The following BAHCC1 variants were observed in gnomAD, a reference collection of about 807,000 sequenced individuals.
BAHCC1 encodes the protein BAH and coiled-coil domain-containing protein 1.
A neutral mutation model predicts 88.2 loss-of-function variants in BAHCC1; 43 were observed. That is an observed-to-expected ratio of 0.49 (90% CI 0.38 to 0.63). The LOEUF (loss-of-function observed/expected upper bound fraction) is 0.63, where lower values mean the gene tolerates loss of function less well. Ranked by LOEUF, BAHCC1 falls within the 20% of genes least tolerant of loss-of-function variation. BAHCC1 has a pLI of 0.00. For missense variants in BAHCC1, 3,023 were observed against 1,654.8 expected, an observed-to-expected ratio of 1.83 and a Z score of -14.34; for synonymous variants, 1,510 against 745.5, an observed-to-expected ratio of 2.03 and a Z score of -16.71.
rs782642998 is a variant in BAHCC1 at position 81,461,952 on chromosome 17, G to A, written c.7289G>A (p.Arg2430Gln). The A allele has an allele frequency of 2.6e-5, 20 of 769,220 alleles. No individual in the cohort carries two copies. Among genetic ancestry groups the A allele is most frequent in the South Asian group, 1.1e-4 (8 of 72,630 alleles). 47.6% of individuals were successfully genotyped at this position (769,220 alleles called of 1,614,324 possible). A position where few individuals can be genotyped will look rare whatever the true frequency, so the allele number is the denominator to read the frequency against. Residue 2430 changes from arginine to glutamine, a missense_variant, in exon 26 of 28, where the codon CGG becomes CAG. Arg to Gln is a conservative substitution (Grantham distance 43). Transcript: ENST00000675386. The part of the protein sequence containing the change: ...LSFSKAKELS[R>Q]RQRPPSVENR... ...TTCTCCAAAGCCAAAGAGCTCTCCC[G>A]GAGGCAGCGGCCGCCCTCCGTGGAA...
intron 11 of BAHCC1, among the ~76,000 whole-genome samples, chr17:81,450,341 C>G (rs1403865267): frequency 6.6e-6 from 1 of 152,148 alleles, no homozygotes; most frequent in African/African-American, 2.4e-5. Context: ...GCTGGCTTCC[C>G]CTACTCAGGC....
chr17:81,458,537 C>CCCGCACTCCG, intron 18 of BAHCC1, 71 bp downstream of exon 18: 3 of 676,622 alleles, frequency 4.4e-6, no homozygotes, highest in Non-Finnish European at 2.7e-6. Context: ...CCCGCCCTCC[C>CCCGCACTCCG]CCGCACGCTG....
Position 81,458,836 on chromosome 17 carries a change from C to T in BAHCC1, c.5472C>T (p.Arg1824=), listed in dbSNP as rs782084706. 3 of 767,124 alleles carry T rather than the reference C, an allele frequency of 3.9e-6. No individual in the cohort carries two copies. Among genetic ancestry groups the T allele is most frequent in the Non-Finnish European group, 7.3e-6 (3 of 408,882 alleles). The allele number at this position is 767,124 out of a possible 1,614,324, so 47.5% of individuals were successfully genotyped here. ...GKQGKGRAVS[R]LLESFAVEED... ...AGGGCAAGGGCCGGGCCGTGAGCCGCCTGCTGGAAAGCTTCGCCGTGGAGG... is the reference window on the plus strand; with the variant it reads ...AGGGCAAGGGCCGGGCCGTGAGCCGTCTGCTGGAAAGCTTCGCCGTGGAGG... The change falls in exon 20 of 28, where the codon CGC becomes CGT. Residue 1824 remains arginine, a synonymous_variant. Transcript: ENST00000675386.
chr17:81,421,716 C>G (rs2064117779), intron 2 of BAHCC1, among the ~76,000 whole-genome samples: 1 of 152,354 alleles, frequency 6.6e-6, no homozygotes, highest in Admixed American at 6.5e-5. Context: ...TCTTCCCCTG[C>G]CTGGTCCCGT....
chr17:81,400,091 C>T (rs929103979), intron 2 of BAHCC1, among the ~76,000 whole-genome samples, 174 bp downstream of exon 2: 1 of 152,040 alleles, frequency 6.6e-6, no homozygotes, highest in African/African-American at 2.4e-5. Flanking sequence ...CAAGCTGCGT[C>T]GCCGCGGCTT....
chr17:81,417,355 G>C (rs940797371), intron 2 of BAHCC1, among the ~76,000 whole-genome samples: 7 of 152,098 alleles, frequency 4.6e-5, no homozygotes, highest in African/African-American at 1.7e-4. Context: ...GAGTGTCTTA[G>C]GGGCAAGGGG....
At chr17:81,415,066 G>T (rs1325474075) in intron 2 of BAHCC1, among the ~76,000 whole-genome samples, 7 of 145,322 alleles carry the variant, frequency 4.8e-5, no homozygotes, top group African/African-American at 7.7e-5. Flanking sequence ...TGCCCTTCCC[G>T]CCCCGGCCCC....
chr17:81,403,557 A>AG (rs2063842876), intron 2 of BAHCC1, among the ~76,000 whole-genome samples: 1 of 152,162 alleles, frequency 6.6e-6, no homozygotes, highest in South Asian at 2.1e-4. Context: ...GGAAAAAAAA[A>AG]GATAATTTCC....
Position 81,447,354 on chromosome 17 carries a change from C to T in BAHCC1, c.3482C>T (p.Ala1161Val), listed in dbSNP as rs782677295. ...GGGCTACAAGAACTGCAATGTGCGG[C>T]CCTCCTGGAGGCAGGGGGCCCCGAG... ...LEGLQELQCA[A>V]LLEAGGPEAT... Residue 1161 changes from alanine to valine, a missense_variant, in exon 11 of 28, where the codon GCC (alanine) becomes GTC (valine). Physicochemically the swap from Ala to Val is moderately conservative, Grantham distance 64. Transcript: ENST00000675386. The T allele has an allele frequency of 1.5e-5, 11 of 742,764 alleles. No homozygotes were observed. The highest frequency in any genetic ancestry group is 2.7e-5 in the Non-Finnish European group (11 of 400,624). The allele number at this position is 742,764 out of a possible 1,614,324, so 46.0% of individuals were successfully genotyped here.
chr17:81,451,557 A>T, intron 11 of BAHCC1, 111 bp from the exon 12 acceptor site: 1 of 623,536 alleles, frequency 1.6e-6, no homozygotes, highest in Non-Finnish European at 2.9e-6. Context: ...CCTGACCCTC[A>T]TCCCGGTCTT....
intron 9 of BAHCC1, 21 bp downstream of exon 9, chr17:81,445,199 C>T (rs1555653977): frequency 4.0e-6 from 3 of 753,104 alleles, no homozygotes; most frequent in South Asian, 2.8e-5. Flanking sequence ...TAGCCACGCT[C>T]ACCTGGGCCG....
chr17:81,413,651 C>T (rs899289), intron 2 of BAHCC1, among the ~76,000 whole-genome samples: 10,105 of 152,258 alleles, frequency 0.066, 732 homozygotes, highest in East Asian at 0.19. Flanking sequence ...CACAAGGCCG[C>T]GGGGGCTGCA....
In BAHCC1 at chr17:81,438,536, G is replaced by A. The variant is rs1465258182; in HGVS notation, c.481+44G>A. The A allele has an allele frequency of 1.5e-5, 11 of 739,692 alleles. No homozygotes were observed. In the Admixed American group the frequency reaches 1.9e-4, roughly 13 times the overall value. 45.8% of individuals were successfully genotyped at this position (739,692 alleles called of 1,614,324 possible). On this transcript the variant is annotated intron_variant, in intron 4 of 27. Transcript: ENST00000675386. ...CGGCGTGGGGAGCAGGCATGCTGGAGGTGGGGAGGGGGCGCAGGAGCTTCT... is the reference window on the plus strand; with the variant it reads ...CGGCGTGGGGAGCAGGCATGCTGGAAGTGGGGAGGGGGCGCAGGAGCTTCT...
chr17:81,461,498 G>C lies in BAHCC1; in HGVS notation c.6835G>C (p.Glu2279Gln). 1 of 743,538 alleles carries C rather than the reference G, an allele frequency of 1.3e-6. No individual in the cohort carries two copies. The highest frequency in any genetic ancestry group is 2.5e-6 in the Non-Finnish European group (1 of 400,404). 46.1% of individuals were successfully genotyped at this position (743,538 alleles called of 1,614,324 possible). ...GCTGCGCAAGTACGCGGGCCAGGCA[G>C]AGTTCCCGCTGCCCTACGACAGCGA... Reference protein sequence around the residue: ...LALRKYAGQAEFPLPYDSDCH... With the variant: ...LALRKYAGQAQFPLPYDSDCH... Residue 2279 changes from glutamate (E) to glutamine (Q), a missense_variant, in exon 26 of 28, where the codon GAG becomes CAG. Glu to Gln is a conservative substitution (Grantham distance 29, BLOSUM62 2). Transcript: ENST00000675386.
At chr17:81,450,061 G>A (rs1396732718) in intron 11 of BAHCC1, among the ~76,000 whole-genome samples, 26 of 152,184 alleles carry the variant, frequency 1.7e-4, no homozygotes, top group Non-Finnish European at 3.5e-4. Flanking sequence ...ATATCTCTGG[G>A]GAGCCCCGGT....
In BAHCC1 at chr17:81,455,210, C is replaced by T. The variant is rs542289029; in HGVS notation, c.4446-57C>T. 32 of 697,120 alleles carry T rather than the reference C, an allele frequency of 4.6e-5. 1 individual carries two copies. In the South Asian group the frequency reaches 4.6e-4, roughly 10 times the overall value. The allele number at this position is 697,120 out of a possible 1,614,324, so 43.2% of individuals were successfully genotyped here. ...ACCCACTACAGAGACAGTAGGGGGACAAGGCTGGGGCGGCCGGGCCTGCAT... is the reference window on the plus strand; with the variant it reads ...ACCCACTACAGAGACAGTAGGGGGATAAGGCTGGGGCGGCCGGGCCTGCAT... On this transcript the variant is annotated intron_variant, in intron 14 of 27. Coordinates refer to ENST00000675386, the MANE Select transcript of BAHCC1 (RefSeq NM_001377448.1).
chr17:81,462,550 C>G, intron 26 of BAHCC1, 190 bp from the exon 27 acceptor site: 2 of 581,292 alleles, frequency 3.4e-6, no homozygotes, highest in East Asian at 5.7e-5. Flanking sequence ...GAGGCGTGGC[C>G]CCTGCTCCAG....
Position 81,461,861 on chromosome 17 carries a change from A to C in BAHCC1, c.7198A>C (p.Thr2400Pro). 1 of 721,972 alleles carries C rather than the reference A, an allele frequency of 1.4e-6. No individual in the cohort carries two copies. The highest frequency in any genetic ancestry group is 2.0e-5 in the Admixed American group (1 of 50,414). 44.7% of individuals were successfully genotyped at this position (721,972 alleles called of 1,614,324 possible). Residue 2400 changes from threonine (T) to proline (P), a missense_variant, in exon 26 of 28, where the codon ACC (threonine) becomes CCC (proline). By Grantham distance (38) the Thr-to-Pro change is conservative (BLOSUM62 -1). Transcript: ENST00000675386. ...CFLSRATVAG[T>P]GAGSGPSSSS... ...CCTGTCCAGGGCCACGGTGGCTGGC[A>C]CCGGTGCGGGCTCAGGCCCCAGCAG...
chr17:81,455,932 C>T (rs1339491579), intron 15 of BAHCC1, among the ~76,000 whole-genome samples: 1 of 152,216 alleles, frequency 6.6e-6, no homozygotes. Flanking sequence ...TGGGCCCCAG[C>T]ATACTTCACC....
Sources: allele counts gnomAD v4.1 joint callset (sites outside exome capture counted in the v4.1 genomes callset), GRCh38; gene constraint gnomAD v4.1.1; transcripts MANE v1.5; gene names NCBI Gene and HGNC (gene_info 2026-07-23, HGNC 2026-07-21).